ANKFN1: variants seen among roughly 807,000 people sequenced by gnomAD.
The protein encoded by ANKFN1 is ankyrin repeat and fibronectin type III domain containing 1, also known as ankyrin repeat and fibronectin type-III domain-containing protein 1.
ANKFN1 carries 74 observed loss-of-function variants against 108.7 expected under a neutral mutation model. The ratio of observed to expected loss-of-function variants is 0.68; its 90% confidence interval spans 0.56 to 0.83. The LOEUF is 0.83. ANKFN1 is among the 40% of genes least tolerant of loss of function. ANKFN1 has a pLI of 0.00. For synonymous variants in ANKFN1, 547 were observed against 516.2 expected, an observed-to-expected ratio of 1.06 and a Z score of -0.81; for missense variants, 1,505 against 1,382.3, an observed-to-expected ratio of 1.09 and a Z score of -1.41.
chr17:56,105,266 T>A (rs549954130), intron 4 of ANKFN1, among the ~76,000 whole-genome samples: 1 of 152,164 alleles, frequency 6.6e-6, no homozygotes, highest in Non-Finnish European at 1.5e-5. Context: ...TGACTGGTTC[T>A]GTATGGAACA....
At chr17:56,355,243 TA>T (rs1229995678) in intron 6 of ANKFN1, among the ~76,000 whole-genome samples, 1 of 152,110 alleles carries the variant, frequency 6.6e-6, no homozygotes, top group Non-Finnish European at 1.5e-5. Context: ...ATATGTCAAT[TA>T]AAAAATGAAT....
At chr17:56,314,521 T>C (rs1217893828) in intron 3 of ANKFN1, among the ~76,000 whole-genome samples, 1 of 152,208 alleles carries the variant, frequency 6.6e-6, no homozygotes, top group Non-Finnish European at 1.5e-5. Flanking sequence ...AGCACCTTTT[T>C]ATGTGCTTAT....
chr17:56,049,094 G>C (rs1904729636), intron 4 of ANKFN1, among the ~76,000 whole-genome samples: 1 of 152,136 alleles, frequency 6.6e-6, no homozygotes, highest in Non-Finnish European at 1.5e-5. Context: ...TTCTTTTTCA[G>C]TTTCTACCTG....
chr17:56,484,212 T>A (rs1353332526), intron 18 of ANKFN1, among the ~76,000 whole-genome samples: 1 of 152,120 alleles, frequency 6.6e-6, no homozygotes, highest in African/African-American at 2.4e-5. Flanking sequence ...AAAGGTGGGA[T>A]GTAAATCTGT....
intron 3 of ANKFN1, among the ~76,000 whole-genome samples, chr17:56,254,566 C>T (rs974431602): frequency 6.6e-6 from 1 of 152,210 alleles, no homozygotes; most frequent in Non-Finnish European, 1.5e-5. Flanking sequence ...AGTCTAATTT[C>T]CCTAGCATTC....
intron 9 of ANKFN1, 70 bp downstream of exon 9, chr17:56,440,494 T>C (rs7224536): frequency 0.78 from 979,432 of 1,263,288 alleles, 382,991 homozygotes; most frequent in East Asian, 0.95. Flanking sequence ...GTAGCAAATG[T>C]CTATTCTGAA....
At chr17:56,111,573 A>G (rs554210620) in intron 4 of ANKFN1, among the ~76,000 whole-genome samples, 90 of 152,270 alleles carry the variant, frequency 5.9e-4, no homozygotes, top group Non-Finnish European at 1.2e-3. Flanking sequence ...CTAGGAACAA[A>G]TCCCTTGGTA....
chr17:56,264,550 C>T (rs948084097), intron 3 of ANKFN1, among the ~76,000 whole-genome samples: 11 of 152,340 alleles, frequency 7.2e-5, no homozygotes, highest in African/African-American at 2.4e-4. Context: ...ATTTCCCACA[C>T]ATATCTCATG....
intron 4 of ANKFN1, among the ~76,000 whole-genome samples, chr17:56,130,578 T>G (rs1371125708): frequency 6.6e-6 from 1 of 152,038 alleles, no homozygotes; most frequent in African/African-American, 2.4e-5. Context: ...GAATGCTAAT[T>G]TATTTGCATT....
intron 4 of ANKFN1, among the ~76,000 whole-genome samples, chr17:56,117,420 A>G (rs1394977519): frequency 1.3e-5 from 2 of 152,172 alleles, no homozygotes; most frequent in African/African-American, 2.4e-5. Context: ...TTGGACTGCA[A>G]AAGTACTTAA....
rs916787682 is a variant in ANKFN1, at chr17:56,440,518, G to C, written c.1008+94G>C. The C allele has an allele frequency of 8.4e-6, 8 of 954,666 alleles. No individual in the cohort carries two copies. The South Asian group carries it at 1.2e-4, about 14-fold the overall frequency. 59.1% of individuals were successfully genotyped at this position (954,666 alleles called of 1,614,324 possible). ...GTCTATTCTGAAAGCAACAGCCAAC[G>C]CCCAGTCCTCTGGCAACAACTGCCA... On this transcript the variant is annotated intron_variant, in intron 9 of 20. Transcript: ENST00000682825.
chr17:56,508,469 A>G (rs2051641443), intron 20 of ANKFN1, among the ~76,000 whole-genome samples: 1 of 152,220 alleles, frequency 6.6e-6, no homozygotes. Context: ...CCACAATTTT[A>G]ACATTTTATA....
chr17:56,305,341 C>G (rs1001618856), intron 3 of ANKFN1, among the ~76,000 whole-genome samples: 7 of 152,124 alleles, frequency 4.6e-5, no homozygotes, highest in African/African-American at 1.7e-4. Context: ...TATCGTATGG[C>G]TTGAAAATAT....
chr17:56,059,808 A>G lies in ANKFN1; in HGVS notation c.288+13483A>G, dbSNP rs551706658. On this transcript the variant is annotated intron_variant, in intron 4 of 12. Coordinates refer to the ANKFN1 transcript ENST00000635860. ...TCTATATGTCTATTTTGGTAACAGT[A>G]CTATGCTGTTTTGCTTACTGTAGCC... is the stretch of plus-strand genomic sequence containing the variant. Among the ~76,000 whole-genome samples, 5 of 152,302 alleles carry G rather than the reference A, an allele frequency of 3.3e-5. No individual in the cohort carries two copies. In the South Asian group the frequency reaches 1.0e-3, roughly 32 times the overall value.
intron 3 of ANKFN1, among the ~76,000 whole-genome samples, chr17:56,244,790 TG>T (rs1390528139): frequency 6.6e-6 from 1 of 152,104 alleles, no homozygotes; most frequent in Non-Finnish European, 1.5e-5. Flanking sequence ...CTCTGAAGCT[TG>T]TCCCAATTTG....
At chr17:56,052,025 C>A (rs1483596399) in intron 4 of ANKFN1, among the ~76,000 whole-genome samples, 1 of 146,004 alleles carries the variant, frequency 6.8e-6, no homozygotes, top group African/African-American at 2.5e-5. Context: ...ATGCCATCCC[C>A]ATCAAGCTCC....
chr17:56,221,850 C>T (rs1470092983), intron 2 of ANKFN1, among the ~76,000 whole-genome samples: 2 of 152,162 alleles, frequency 1.3e-5, no homozygotes, highest in Admixed American at 6.5e-5. Context: ...CCATCATTTA[C>T]AGGGCTGGGG....
intron 4 of ANKFN1, among the ~76,000 whole-genome samples, chr17:56,055,441 CTGTG>C (rs71137187): frequency 6.9e-5 from 10 of 144,296 alleles, no homozygotes; most frequent in Admixed American, 6.9e-5. Context: ...CCCATTATGT[CTGTG>C]TGTGTGTGTG....
In ANKFN1 at chr17:56,131,097, G is replaced by A. The variant is rs1342810005; in HGVS notation, c.288+84772G>A. ...GACTAAACCAGTATGATACCAAAGAGCTCAAAAAATCTGTAGGGGAAACTG... is the reference window on the plus strand; with the variant it reads ...GACTAAACCAGTATGATACCAAAGAACTCAAAAAATCTGTAGGGGAAACTG... On this transcript the variant is annotated intron_variant, in intron 4 of 12. Transcript: ENST00000635860. 3.3e-5 allele frequency among the ~76,000 whole-genome samples: 5 copies of A among 152,162 alleles called. No homozygotes were observed. In the East Asian group the frequency reaches 9.6e-4, roughly 29 times the overall value.
Sources: gnomAD v4.1 joint callset for allele counts (sites outside exome capture counted in the v4.1 genomes callset) on GRCh38, gnomAD v4.1.1 for gene constraint, MANE v1.5 for transcripts, NCBI Gene and HGNC (gene_info 2026-07-23, HGNC 2026-07-21) for gene names.